The following BIRC6 variants were observed in gnomAD, a reference collection of about 807,000 sequenced individuals.
BIRC6 encodes baculoviral IAP repeat containing 6.
A neutral mutation model predicts 503.3 loss-of-function variants in BIRC6; 98 were observed. That is an observed-to-expected ratio of 0.19 (90% CI 0.17 to 0.23). The LOEUF (loss-of-function observed/expected upper bound fraction) is 0.23. Ranked by LOEUF, BIRC6 falls within the 10% of genes least tolerant of loss-of-function variation. BIRC6 has a pLI of 1.00. For synonymous variants in BIRC6, 2,240 were observed against 2,078.7 expected, an observed-to-expected ratio of 1.08 and a Z score of -2.11; for missense variants, 5,360 against 5,806.0, an observed-to-expected ratio of 0.92 and a Z score of 2.50.
chr2:32,463,398 C>T lies in BIRC6; in HGVS notation c.4941+17C>T, dbSNP rs182061409. On this transcript the variant is annotated intron_variant, in intron 24 of 73. Transcript: ENST00000421745. ...CAGCAACAGGTTGGAGACTATTTGG[C>T]TCTTTGTTCATGCTGTCTCTAAACT... is the stretch of plus-strand genomic sequence containing the variant. 901 of 1,580,884 alleles carry T rather than the reference C, an allele frequency of 5.7e-4. 1 individual carries two copies. Among genetic ancestry groups the T allele is most frequent in the Non-Finnish European group, 5.0e-4 (587 of 1,165,504 alleles).
intron 11 of BIRC6, among the ~76,000 whole-genome samples, chr2:32,429,839 C>A (rs555737794): frequency 2.6e-5 from 4 of 152,248 alleles, no homozygotes; most frequent in Admixed American, 6.5e-5. Flanking sequence ...TTCTCAATCT[C>A]CAGTTACTTG....
In BIRC6 at chr2:32,524,903, C is replaced by A; in HGVS notation, c.11639C>A (p.Thr3880Lys). ...CTTCTTACAGATACTCCAAGTATCA[C>A]AGCTAAATTAATTAGTGAACAAAAA... ...LDRVSDTPSI[T>K]AKLISEQKDD... Residue 3880 changes from threonine (T) to lysine (K), a missense_variant, in exon 58 of 74, where the codon ACA becomes AAA. By Grantham distance (78) the Thr-to-Lys change is moderately conservative. Around this residue, in one of 16 missense-constraint regions of BIRC6, gnomAD observed 878 missense variants for 928.9 expected, o/e 0.95. Transcript: ENST00000421745. 6.7e-7 allele frequency: 1 copy of A among 1,486,212 alleles called. No individual in the cohort carries two copies. Among genetic ancestry groups the A allele is most frequent in the Non-Finnish European group, 9.0e-7 (1 of 1,107,568 alleles). 92.1% of individuals were successfully genotyped at this position (1,486,212 alleles called of 1,614,324 possible). A position where few individuals can be genotyped will look rare whatever the true frequency, so the allele number is the denominator to read the frequency against.
intron 71 of BIRC6, among the ~76,000 whole-genome samples, chr2:32,604,025 T>C (rs1006652995): frequency 4.6e-5 from 7 of 152,102 alleles, no homozygotes; most frequent in African/African-American, 1.7e-4. Flanking sequence ...AGTGACGTTC[T>C]GTTGATCAGA....
chr2:32,362,961 A>G (rs2034349647), intron 1 of BIRC6, among the ~76,000 whole-genome samples: 1 of 152,206 alleles, frequency 6.6e-6, no homozygotes. Context: ...TTATGCATGT[A>G]AAGTGTTTGC....
At chr2:32,432,231 T>C (rs62136290) in intron 12 of BIRC6, among the ~76,000 whole-genome samples, 19,654 of 151,930 alleles carry the variant, frequency 0.13, 1,535 homozygotes, top group African/African-American at 0.19. Context: ...GCCTGGCCAA[T>C]ATGGTGAAAC....
chr2:32,391,896 T>A, intron 4 of BIRC6, 143 bp from the exon 5 acceptor site: 1 of 569,614 alleles, frequency 1.8e-6, no homozygotes, highest in Non-Finnish European at 3.0e-6. Context: ...GTTTTTAGTT[T>A]AAAGTAAAAA....
intron 63 of BIRC6, among the ~76,000 whole-genome samples, chr2:32,546,678 A>C (rs557639934): frequency 6.6e-6 from 1 of 152,220 alleles, no homozygotes; most frequent in Non-Finnish European, 1.5e-5. Context: ...TAATTTCTAC[A>C]TACTAGCAAC....
At position 32,415,220 on chromosome 2, in the gene BIRC6, A is replaced by G; in HGVS notation, c.1929A>G (p.Gly643=). 6.2e-7 allele frequency: 1 copy of G among 1,613,998 alleles called. No homozygotes were observed. The highest frequency in any genetic ancestry group is 1.3e-5 in the African/African-American group (1 of 75,064). The stretch of plus-strand genomic sequence containing the variant: ...TCAAGGAATCTGATGAGAAAGCAGG[A>G]AAGATCTTTTCACAGATGAACAATA... ...YSIKESDEKA[G]KIFSQMNNIM... Residue 643 remains glycine (G), a synonymous_variant, in exon 10 of 74, where the codon GGA becomes GGG. Coordinates refer to ENST00000421745, the MANE Select transcript of BIRC6 (RefSeq NM_016252.4).
In BIRC6 at chr2:32,478,689, G is replaced by A; in HGVS notation, c.7123G>A (p.Val2375Met). ...GCCAACTATTCATCTGTGTGAGATT[G>A]TGAACGAACCCCAGCTGGAAAGACT... ...TRPTIHLCEI[V>M]NEPQLERLLL... Residue 2375 changes from valine (V) to methionine (M), a missense_variant, in exon 36 of 74, where the codon GTG becomes ATG. Val to Met is a conservative substitution (Grantham distance 21, BLOSUM62 1). Transcript: ENST00000421745. 3 of 1,613,960 alleles carry A rather than the reference G, an allele frequency of 1.9e-6. No homozygotes were observed. Among genetic ancestry groups the A allele is most frequent in the Non-Finnish European group, 2.5e-6 (3 of 1,179,870 alleles).
chr2:32,591,042 A>G (rs1050602111), intron 66 of BIRC6: 4 of 901,014 alleles, frequency 4.4e-6, no homozygotes, highest in East Asian at 1.2e-4. Flanking sequence ...ACTTTTATAG[A>G]AAAGAGACTA....
At position 32,431,181 on chromosome 2, in the gene BIRC6, C is replaced by CTTTTTTTTTTTTTTTTTTTTTTTTT. The variant is rs10610125; in HGVS notation, c.3248+99_3248+123dup. 2.5e-4 allele frequency: 17 copies of CTTTTTTTTTTTTTTTTTTTTTTTTT among 69,356 alleles called. 6 individuals carry two copies. Among genetic ancestry groups the CTTTTTTTTTTTTTTTTTTTTTTTTT allele is most frequent in the Non-Finnish European group, 4.0e-4 (15 of 37,426 alleles). 4.3% of individuals were successfully genotyped at this position (69,356 alleles called of 1,614,324 possible). On this transcript the variant is annotated intron_variant, in intron 12 of 73. Transcript: ENST00000421745. ...AATTCCTAGGTATATTACTGTTTATCTTTTTTTTTTTTTTTTTTTTTTTTT... is the reference window on the plus strand; with the variant it reads ...AATTCCTAGGTATATTACTGTTTATCTTTTTTTTTTTTTTTTTTTTTTTTTTTTTTTTTTTTTTTTTTTTTTTTTT...
At chr2:32,557,434 G>C (rs932458240) in intron 65 of BIRC6, 8 of 152,060 alleles carry the variant, frequency 5.3e-5, no homozygotes, top group African/African-American at 1.9e-4. Context: ...ACTAAATCTT[G>C]TATGTTTTGG....
intron 72 of BIRC6, among the ~76,000 whole-genome samples, chr2:32,608,881 C>CT (rs1206943365): frequency 2.6e-5 from 4 of 151,724 alleles, no homozygotes; most frequent in Non-Finnish European, 4.4e-5. Context: ...AATGCCATTT[C>CT]TTTTTTTTAT....
At chr2:32,406,653 C>T (rs2041251822) in intron 9 of BIRC6, 96 bp downstream of exon 9, 2 of 835,114 alleles carry the variant, frequency 2.4e-6, no homozygotes, top group Non-Finnish European at 3.8e-6. Flanking sequence ...TTAGTTAATG[C>T]TAACTCTAAA....
rs747072600 is a variant in BIRC6, at chr2:32,501,760, T to C, written c.9079T>C (p.Leu3027=). ...LTKHENFHGG[L]DAISVGDGLF... is the part of the protein sequence containing the mutation. ...TAAACATGAAAACTTTCATGGTGGG[T>C]TGGATGCCATATCAGTTGGGGATGG... Residue 3027 remains leucine (L), a synonymous_variant, in exon 47 of 74, where the codon TTG becomes CTG. Coordinates refer to ENST00000421745, the MANE Select transcript of BIRC6 (RefSeq NM_016252.4). The C allele has an allele frequency of 2.5e-6, 4 of 1,613,362 alleles. No individual in the cohort carries two copies. In the East Asian group the frequency reaches 8.9e-5, roughly 36 times the overall value.
intron 10 of BIRC6, among the ~76,000 whole-genome samples, chr2:32,422,959 C>T (rs1328114008): frequency 2.0e-5 from 3 of 152,120 alleles, no homozygotes; most frequent in African/African-American, 7.2e-5. Flanking sequence ...ATTTTTGAGG[C>T]AGAGTCTTGC....
intron 5 of BIRC6, 30 bp downstream of exon 5, chr2:32,392,180 C>G (rs1317500180): frequency 2.8e-6 from 4 of 1,431,388 alleles, no homozygotes; most frequent in Admixed American, 4.4e-5. Context: ...AAATACTTTT[C>G]TCAGTAGGCC....
intron 33 of BIRC6, 90 bp from the exon 34 acceptor site, chr2:32,476,123 T>A (rs2049735136): frequency 1.1e-6 from 1 of 930,624 alleles, no homozygotes. Flanking sequence ...GTGCATTCCA[T>A]TAGTTTGATG....
rs2033296245 is a variant in BIRC6, at chr2:32,357,618, GGAGGC to G, written c.325+133_325+137del. 1 of 1,422,696 alleles carries G rather than the reference GGAGGC, an allele frequency of 7.0e-7. No individual in the cohort carries two copies. Among genetic ancestry groups the G allele is most frequent in the East Asian group, 2.7e-5 (1 of 36,458 alleles). 88.1% of individuals were successfully genotyped at this position (1,422,696 alleles called of 1,614,324 possible). A position where few individuals can be genotyped will look rare whatever the true frequency, so the allele number is the denominator to read the frequency against. On this transcript the variant is annotated intron_variant, in intron 1 of 73. Coordinates refer to ENST00000421745, the MANE Select transcript of BIRC6 (RefSeq NM_016252.4). This position sits in a 1 kb window ranked among gnomAD's most constrained non-coding sequence, Gnocchi z 4.9. ...TGGGGGTTCGGGCCCAGCCGTGAAGGGAGGCCCGGAAGCTGATGGAGGGGGACCTT... is the reference window on the plus strand; with the variant it reads ...TGGGGGTTCGGGCCCAGCCGTGAAGGCCGGAAGCTGATGGAGGGGGACCTT...
Sources: allele counts gnomAD v4.1 joint callset (sites outside exome capture counted in the v4.1 genomes callset), GRCh38; gene constraint gnomAD v4.1.1; regional missense constraint gnomAD v4.1.1; non-coding constraint Gnocchi (gnomAD v3.1); transcripts MANE v1.5; gene names NCBI Gene and HGNC (gene_info 2026-07-23, HGNC 2026-07-21).